WDFY3: variants seen among roughly 807,000 people sequenced by gnomAD.
WDFY3 encodes WD repeat and FYVE domain-containing protein 3.
Under a neutral mutation model 409.6 loss-of-function variants are expected in WDFY3, and 66 were observed. The ratio of observed to expected loss-of-function variants is 0.16; its 90% CI spans 0.13 to 0.20. WDFY3 has a LOEUF of 0.20. WDFY3 is among the 10% of genes least tolerant of loss of function. The probability of loss-of-function intolerance (pLI) is 1.00; values close to 1 mark genes in which losing one functional copy is unlikely to be tolerated. For missense variants in WDFY3, 3,031 were observed against 4,298.1 expected (o/e 0.71, Z 8.24); for synonymous variants, 1,521 against 1,537.1 (o/e 0.99, Z 0.25).
chr4:84,691,950 G>C (rs144620102), intron 59 of WDFY3, among the ~76,000 whole-genome samples, 165 bp from the exon 60 acceptor site: 21 of 152,286 alleles, frequency 1.4e-4, no homozygotes, highest in African/African-American at 5.1e-4. Flanking sequence ...TCTCCTACAA[G>C]ACCTGCTGGG....
chr4:84,775,436 CT>C (rs538800925), intron 27 of WDFY3, among the ~76,000 whole-genome samples: 5 of 151,858 alleles, frequency 3.3e-5, no homozygotes, highest in Non-Finnish European at 5.9e-5. Flanking sequence ...CCAAAGCCCC[CT>C]AATGAACCTC....
At chr4:84,714,949 C>CAAAAAAAAAAA (rs770343929) in intron 50 of WDFY3, among the ~76,000 whole-genome samples, 7 of 73,102 alleles carry the variant, frequency 9.6e-5, no homozygotes, top group African/African-American at 2.5e-4. Flanking sequence ...GACTCCGTCT[C>CAAAAAAAAAAA]AAAAAAAAAA....
chr4:84,703,960 G>A (rs1042970347), intron 55 of WDFY3, among the ~76,000 whole-genome samples: 2 of 152,116 alleles, frequency 1.3e-5, no homozygotes, highest in South Asian at 4.1e-4. Context: ...CACACAGTAG[G>A]TATTTATTAA....
Position 84,780,218 on chromosome 4 carries a change from C to A in WDFY3, c.4255G>T (p.Ala1419Ser). 6.2e-7 allele frequency: 1 copy of A among 1,614,074 alleles called. No homozygotes were observed. Among genetic ancestry groups the A allele is most frequent in the East Asian group, 2.2e-5 (1 of 44,872 alleles). Residue 1419 changes from alanine to serine, a missense_variant, in exon 26 of 68, where the codon GCC becomes TCC. Coordinates refer to ENST00000295888, the MANE Select transcript of WDFY3 (RefSeq NM_014991.6). The stretch of plus-strand genomic sequence containing the variant: ...AACCCTTCCACATCAGAGGCCATGG[C>A]CACCAGGCCCAGGATGGCTGCAGCT... Reference protein sequence around the residue: ...GGAAAILGLVAMASDVEGLYA... With the variant: ...GGAAAILGLVSMASDVEGLYA...
chr4:84,950,618 C>T (rs1004551603), intron 1 of WDFY3, among the ~76,000 whole-genome samples: 6 of 151,954 alleles, frequency 3.9e-5, no homozygotes, highest in Non-Finnish European at 8.8e-5. Context: ...GGTGAAACCC[C>T]GTCTCTATTA....
intron 3 of WDFY3, among the ~76,000 whole-genome samples, chr4:84,874,816 T>C (rs964873736): frequency 1.3e-5 from 2 of 152,170 alleles, no homozygotes; most frequent in Non-Finnish European, 2.9e-5. Flanking sequence ...AGTGCACTGT[T>C]AGGCAATTTT....
intron 7 of WDFY3, among the ~76,000 whole-genome samples, chr4:84,835,945 G>A (rs1756509195): frequency 6.6e-6 from 1 of 152,038 alleles, no homozygotes; most frequent in African/African-American, 2.4e-5. Context: ...TCATTTTACA[G>A]GTGCGAAATC....
At chr4:84,849,705 C>T in intron 5 of WDFY3, 197 bp downstream of exon 5, 1 of 595,324 alleles carries the variant, frequency 1.7e-6, no homozygotes, top group Non-Finnish European at 2.7e-6. Flanking sequence ...GGCAGAGTAG[C>T]CTTGAGCAGA....
At chr4:84,698,701 T>G (rs796454919) in intron 56 of WDFY3, among the ~76,000 whole-genome samples, 35 of 152,124 alleles carry the variant, frequency 2.3e-4, no homozygotes, top group African/African-American at 6.5e-4. Flanking sequence ...CTTTCTTTCT[T>G]TTTTTCTTTT....
chr4:84,894,073 T>G (rs559033100), intron 3 of WDFY3, among the ~76,000 whole-genome samples: 9 of 152,148 alleles, frequency 5.9e-5, no homozygotes, highest in Admixed American at 5.9e-4. Context: ...AATATAAACT[T>G]AGAAACTATA....
intron 32 of WDFY3, among the ~76,000 whole-genome samples, chr4:84,757,479 TC>T (rs1203936654): frequency 6.6e-6 from 1 of 152,166 alleles, no homozygotes; most frequent in African/African-American, 2.4e-5. Flanking sequence ...TCAGAAGAGC[TC>T]TAGTGTTCTT....
intron 2 of WDFY3, 112 bp from the exon 3 acceptor site, chr4:84,897,122 G>A (rs1765740168): frequency 6.6e-6 from 1 of 152,142 alleles, no homozygotes; most frequent in Non-Finnish European, 1.5e-5. Flanking sequence ...TTTCAACCTT[G>A]GTTGGATACT....
intron 7 of WDFY3, among the ~76,000 whole-genome samples, chr4:84,834,492 A>AG (rs543026922): frequency 8.7e-5 from 13 of 149,702 alleles, no homozygotes. Flanking sequence ...ACTAAAAACA[A>AG]AAAAAAAAAA....
chr4:84,914,449 A>AC (rs931888900), intron 2 of WDFY3, among the ~76,000 whole-genome samples: 7 of 151,952 alleles, frequency 4.6e-5, no homozygotes, highest in Non-Finnish European at 1.0e-4. Context: ...CAAAACAAAA[A>AC]AAAATAGGTT....
At chr4:84,706,182 G>A (rs1013119162) in intron 53 of WDFY3, among the ~76,000 whole-genome samples, 1 of 152,142 alleles carries the variant, frequency 6.6e-6, no homozygotes, top group Non-Finnish European at 1.5e-5. Context: ...TTTTAAAAGT[G>A]GAAATTTGAA....
chr4:84,672,843 G>C lies in WDFY3; in HGVS notation c.*25C>G. 1 of 1,613,660 alleles carries C rather than the reference G, an allele frequency of 6.2e-7. No individual in the cohort carries two copies. The highest frequency in any genetic ancestry group is 8.5e-7 in the Non-Finnish European group (1 of 1,179,812). ...AATCGGGAAGGGGTCTACAGACCAT[G>C]GTCTCCACTCAGCTTGTTGAATCTT... On this transcript the variant is annotated 3_prime_UTR_variant, in exon 68 of 68. Coordinates refer to ENST00000295888, the MANE Select transcript of WDFY3 (RefSeq NM_014991.6).
chr4:84,824,455 A>C (rs1754557649), intron 10 of WDFY3, among the ~76,000 whole-genome samples: 1 of 152,188 alleles, frequency 6.6e-6, no homozygotes, highest in Non-Finnish European at 1.5e-5. Flanking sequence ...ACCTTGGAAC[A>C]CATTTCCCCC....
chr4:84,752,344 T>C (rs1295884437), intron 35 of WDFY3, among the ~76,000 whole-genome samples: 3 of 151,844 alleles, frequency 2.0e-5, no homozygotes, highest in Non-Finnish European at 4.4e-5. Context: ...CGAAACCCCA[T>C]CTCTATTAAA....
At chr4:84,825,220 T>C (rs148636870) in intron 10 of WDFY3, among the ~76,000 whole-genome samples, 282 of 152,288 alleles carry the variant, frequency 1.9e-3, no homozygotes, top group Non-Finnish European at 3.0e-3. Flanking sequence ...ATCACATTGA[T>C]AAACCAAATG....
Sources: gnomAD v4.1 joint callset for allele counts (sites outside exome capture counted in the v4.1 genomes callset) on GRCh38, gnomAD v4.1.1 for gene constraint, MANE v1.5 for transcripts, NCBI Gene and HGNC (gene_info 2026-07-23, HGNC 2026-07-21) for gene names.